The following DENND1A variants were observed in gnomAD, a reference collection of about 807,000 sequenced individuals.
The protein encoded by DENND1A is DENN domain-containing protein 1A.
A neutral mutation model predicts 113.7 loss-of-function variants in DENND1A; 51 were observed. That is an observed-to-expected ratio of 0.45 (90% confidence interval 0.36 to 0.57). The LOEUF (loss-of-function observed/expected upper bound fraction) is 0.57. Ranked by LOEUF, DENND1A falls within the 20% of genes least tolerant of loss-of-function variation. The pLI, the probability that DENND1A is intolerant of heterozygous loss-of-function variation, is 0.00. For missense variants in DENND1A, 1,258 were observed against 1,395.9 expected (o/e 0.90, Z 1.57); for synonymous variants, 565 against 570.8 (o/e 0.99, Z 0.14).
Position 123,757,717 on chromosome 9 carries a change from G to A in DENND1A, c.288C>T (p.Cys96=), listed in dbSNP as rs375068629. The change falls in exon 5 of 24, where the codon TGC becomes TGT. Residue 96 remains cysteine (C), a synonymous_variant. Coordinates refer to ENST00000394215, the MANE Select transcript of DENND1A (RefSeq NM_001352964.2). ...TTCTCCCTTACCTTAAGATACAGAA[G>A]CAGCTCTTCGCTCCTGAAGATAAGC... ...FCRLSSGAKS[C]FCILSYLPWF... 107 of 1,613,834 alleles carry A rather than the reference G, an allele frequency of 6.6e-5. No individual in the cohort carries two copies. Among genetic ancestry groups the A allele is most frequent in the Non-Finnish European group, 8.3e-5 (98 of 1,179,936 alleles).
intron 21 of DENND1A, among the ~76,000 whole-genome samples, chr9:123,393,938 T>C (rs545195898): frequency 6.6e-6 from 1 of 151,384 alleles, no homozygotes; most frequent in African/African-American, 2.4e-5. Context: ...GGTGGGGGCG[T>C]GCCTGGCTCA....
At chr9:123,870,350 ACCTCC>A (rs1846378373) in intron 2 of DENND1A, among the ~76,000 whole-genome samples, 1 of 150,020 alleles carries the variant, frequency 6.7e-6, no homozygotes, top group East Asian at 1.9e-4. Flanking sequence ...GCTCACTGCA[ACCTCC>A]ACCTCCCAGG....
intron 2 of DENND1A, chr9:123,842,956 C>G: frequency 2.9e-6 from 1 of 344,722 alleles, no homozygotes; most frequent in African/African-American, 2.2e-5. Context: ...CCAGGACAGC[C>G]CTTCCCACAT....
intron 1 of DENND1A, among the ~76,000 whole-genome samples, chr9:123,923,756 T>C (rs569438743): frequency 6.6e-6 from 1 of 152,174 alleles, no homozygotes; most frequent in African/African-American, 2.4e-5. Flanking sequence ...AACCTCTTCC[T>C]AGAAACCTAT....
chr9:123,804,235 C>T (rs1412562467), intron 2 of DENND1A, among the ~76,000 whole-genome samples: 2 of 152,224 alleles, frequency 1.3e-5, no homozygotes, highest in Admixed American at 6.5e-5. Flanking sequence ...CCATGTAATA[C>T]GTGACTTGTT....
intron 13 of DENND1A, among the ~76,000 whole-genome samples, chr9:123,534,402 G>A (rs1287872877): frequency 6.6e-6 from 1 of 152,034 alleles, no homozygotes; most frequent in Non-Finnish European, 1.5e-5. Flanking sequence ...TAGTTTTCAT[G>A]GCTGTATAAT....
chr9:123,781,585 G>GT (rs1831323649), intron 3 of DENND1A, among the ~76,000 whole-genome samples: 2 of 152,014 alleles, frequency 1.3e-5, no homozygotes, highest in Non-Finnish European at 2.9e-5. Flanking sequence ...ATGAATTCAG[G>GT]TATTATGTAA....
chr9:123,406,657 G>C (rs551785063), intron 20 of DENND1A, among the ~76,000 whole-genome samples: 1 of 152,330 alleles, frequency 6.6e-6, no homozygotes, highest in Admixed American at 6.5e-5. Context: ...CAGTCAACAC[G>C]TGCTGAATAA....
intron 13 of DENND1A, among the ~76,000 whole-genome samples, chr9:123,541,709 G>A (rs1209860032): frequency 6.6e-6 from 1 of 152,198 alleles, no homozygotes; most frequent in Admixed American, 6.5e-5. Flanking sequence ...GAATGTGACT[G>A]CTGGTGAATT....
chr9:123,722,817 C>T (rs1420378407), intron 5 of DENND1A, among the ~76,000 whole-genome samples: 1 of 152,230 alleles, frequency 6.6e-6, no homozygotes, highest in African/African-American at 2.4e-5. Context: ...AGTGGGGGCC[C>T]TCATGGAGAA....
intron 13 of DENND1A, among the ~76,000 whole-genome samples, chr9:123,522,234 A>T (rs2054456536): frequency 6.6e-6 from 1 of 152,196 alleles, no homozygotes; most frequent in Non-Finnish European, 1.5e-5. Context: ...TCACACAGGG[A>T]AAATTGGCGG....
intron 1 of DENND1A, among the ~76,000 whole-genome samples, chr9:123,926,892 A>T (rs182034660): frequency 7.9e-4 from 119 of 151,280 alleles, no homozygotes; most frequent in African/African-American, 2.8e-3. Flanking sequence ...AACGAGATTC[A>T]GTATTGTGAC....
chr9:123,839,272 C>G (rs898719689), intron 2 of DENND1A, among the ~76,000 whole-genome samples: 1 of 152,194 alleles, frequency 6.6e-6, no homozygotes, highest in Non-Finnish European at 1.5e-5. Context: ...CCAATTGGTC[C>G]TCATGAAGCC....
intron 19 of DENND1A, among the ~76,000 whole-genome samples, chr9:123,424,885 C>T (rs2045594672): frequency 6.6e-6 from 1 of 152,216 alleles, no homozygotes; most frequent in Non-Finnish European, 1.5e-5. Flanking sequence ...CCTAGGTCCA[C>T]CTAACCCCTT....
intron 10 of DENND1A, among the ~76,000 whole-genome samples, chr9:123,614,148 G>A (rs1379277231): frequency 6.6e-6 from 1 of 152,184 alleles, no homozygotes; most frequent in Admixed American, 6.5e-5. Flanking sequence ...TAGGAAACAC[G>A]CTCAGAAAGA....
chr9:123,424,602 G>A (rs529647123), intron 19 of DENND1A, among the ~76,000 whole-genome samples: 6 of 152,228 alleles, frequency 3.9e-5, no homozygotes, highest in African/African-American at 1.4e-4. Context: ...TACAACCCTC[G>A]TTGGCTCCTA....
intron 13 of DENND1A, among the ~76,000 whole-genome samples, chr9:123,490,101 T>C (rs1356489835): frequency 1.3e-5 from 2 of 152,166 alleles, no homozygotes; most frequent in Non-Finnish European, 2.9e-5. Context: ...TTAGAAGTAC[T>C]AGTTAAGGCC....
intron 2 of DENND1A, among the ~76,000 whole-genome samples, chr9:123,847,970 A>C (rs2133091719): frequency 6.6e-6 from 1 of 152,200 alleles, no homozygotes; most frequent in Non-Finnish European, 1.5e-5. Context: ...AAAATAGAAA[A>C]TACACAGATA....
intron 9 of DENND1A, among the ~76,000 whole-genome samples, chr9:123,639,352 T>G (rs2061899071): frequency 6.7e-6 from 1 of 148,616 alleles, no homozygotes; most frequent in Non-Finnish European, 1.5e-5. Flanking sequence ...GGCACGAGTA[T>G]CAGTTGAACC....
Sources: gnomAD v4.1 joint callset for allele counts (sites outside exome capture counted in the v4.1 genomes callset) on GRCh38, gnomAD v4.1.1 for gene constraint, MANE v1.5 for transcripts, NCBI Gene and HGNC (gene_info 2026-07-23, HGNC 2026-07-21) for gene names.